FOXP1: variants seen among roughly 807,000 people sequenced by gnomAD.
The protein encoded by FOXP1 is forkhead box protein P1.
A neutral mutation model predicts 98.2 loss-of-function variants in FOXP1; 15 were observed. The ratio of observed to expected loss-of-function variants is 0.15; its 90% confidence interval spans 0.10 to 0.24. FOXP1 has a LOEUF of 0.24. Among genes scored for constraint, FOXP1 ranks in the 10% least tolerant of loss-of-function variants. FOXP1 has a pLI of 1.00. For synonymous variants in FOXP1, 371 were observed against 314.5 expected, an observed-to-expected ratio of 1.18 and a Z score of -1.90; for missense variants, 633 against 848.5, an observed-to-expected ratio of 0.75 and a Z score of 3.15.
Position 71,125,448 on chromosome 3 carries a change from T to C in FOXP1, c.181-12811A>G, listed in dbSNP as rs187056746. ...AAAAAATTAGACACGTATAGAAAAA[T>C]ATATTCGGTTAATCTAAACCACACA... On this transcript the variant is annotated intron_variant, in intron 6 of 20. Coordinates refer to ENST00000649528, the MANE Select transcript of FOXP1 (RefSeq NM_001349338.3). Among the ~76,000 whole-genome samples, 538 of 152,208 alleles carry C rather than the reference T, an allele frequency of 3.5e-3. 4 individuals carry two copies. The highest frequency in any genetic ancestry group is 0.012 in the African/African-American group (516 of 41,520).
At chr3:71,271,490 A>G (rs2070344921) in intron 5 of FOXP1, among the ~76,000 whole-genome samples, 1 of 152,236 alleles carries the variant, frequency 6.6e-6, no homozygotes, top group South Asian at 2.1e-4. Flanking sequence ...TTCAGGAAAA[A>G]AGCAATCTAA....
At chr3:71,437,648 C>G (rs1160209475) in intron 3 of FOXP1, among the ~76,000 whole-genome samples, 1 of 152,152 alleles carries the variant, frequency 6.6e-6, no homozygotes, top group Non-Finnish European at 1.5e-5. Context: ...AATGGCTCCA[C>G]CATCCTCTCT....
chr3:71,181,417 G>A (rs1253711564), intron 6 of FOXP1, among the ~76,000 whole-genome samples: 1 of 152,230 alleles, frequency 6.6e-6, no homozygotes, highest in Admixed American at 6.5e-5. Context: ...CTCTCAGGAA[G>A]TTATCTCTAT....
chr3:71,504,692 G>C (rs2041675249), intron 2 of FOXP1, among the ~76,000 whole-genome samples: 1 of 152,114 alleles, frequency 6.6e-6, no homozygotes, highest in Non-Finnish European at 1.5e-5. Flanking sequence ...AGGCGCCAAG[G>C]GAAGAGCTGA....
At chr3:71,420,809 C>T (rs1245164390) in intron 3 of FOXP1, among the ~76,000 whole-genome samples, 1 of 151,854 alleles carries the variant, frequency 6.6e-6, no homozygotes, top group Non-Finnish European at 1.5e-5. Flanking sequence ...TGGGCTCAAG[C>T]AATTCTCTCA....
chr3:71,242,274 A>G lies in FOXP1; in HGVS notation c.-11-43882T>C, dbSNP rs114953264. The stretch of plus-strand genomic sequence containing the variant: ...TGATTTTTTTCCTCATTCCAGCCCA[A>G]AGAGGGAAGAGTGACAGAAAACTTG... On this transcript the variant is annotated intron_variant, in intron 5 of 20. Coordinates refer to ENST00000649528, the MANE Select transcript of FOXP1 (RefSeq NM_001349338.3). 4.4e-3 allele frequency among the ~76,000 whole-genome samples: 676 copies of G among 152,274 alleles called. 5 individuals are homozygous for G. Among genetic ancestry groups the G allele is most frequent in the African/African-American group, 0.015 (631 of 41,546 alleles).
intron 13 of FOXP1, among the ~76,000 whole-genome samples, chr3:70,999,017 A>C (rs950415873): frequency 6.6e-6 from 1 of 152,226 alleles, no homozygotes; most frequent in African/African-American, 2.4e-5. Flanking sequence ...GTTATCATAT[A>C]AATAAATGCA....
intron 2 of FOXP1, among the ~76,000 whole-genome samples, chr3:71,520,320 CCATTTCTTAG>C: frequency 6.6e-6 from 1 of 152,152 alleles, no homozygotes; most frequent in East Asian, 1.9e-4. Flanking sequence ...AAACATATAT[CCATTTCTTAG>C]CATATGTGCA....
chr3:71,410,542 G>T lies in FOXP1; in HGVS notation c.-167-51298C>A, dbSNP rs187413595. ...CTATAAGCTGTGTCCTTATGATTAT[G>T]CAGTCAAAAAGGCATCCATGGGTTT... is the stretch of plus-strand genomic sequence containing the variant. On this transcript the variant is annotated intron_variant, in intron 3 of 20. Transcript: ENST00000649528. Among the ~76,000 whole-genome samples the T allele has an allele frequency of 3.9e-5, 6 of 152,264 alleles. No homozygotes were observed. The East Asian group carries it at 1.2e-3, about 29-fold the overall frequency.
intron 19 of FOXP1, chr3:70,966,482 C>T (rs1168885708): frequency 4.6e-6 from 1 of 217,250 alleles, no homozygotes; most frequent in Non-Finnish European, 9.5e-6. Context: ...ATCAGATTAT[C>T]CTGGCCGCAC....
rs1311207429 is a variant in FOXP1, at chr3:71,065,130, C to T, written c.283-11357G>A. ...TCCGCGCGGCAGGTGAAATCACGCT[C>T]GGGTGCCACCCTGCTTTTGTCTGGA... On this transcript the variant is annotated intron_variant, in intron 7 of 20. Transcript: ENST00000649528. 4.6e-5 allele frequency among the ~76,000 whole-genome samples: 7 copies of T among 151,034 alleles called. No homozygotes were observed. The East Asian group carries it at 7.9e-4, about 17-fold the overall frequency.
intron 5 of FOXP1, among the ~76,000 whole-genome samples, chr3:71,259,551 G>A (rs555625266): frequency 2.6e-5 from 4 of 152,232 alleles, no homozygotes; most frequent in African/African-American, 7.2e-5. Context: ...CCCTGTGTTG[G>A]AAGAAAACTA....
intron 2 of FOXP1, among the ~76,000 whole-genome samples, chr3:71,568,808 G>A (rs905926854): frequency 5.9e-5 from 9 of 152,062 alleles, no homozygotes; most frequent in Admixed American, 3.3e-4. Flanking sequence ...CACCACGCCC[G>A]GCTAATTTTT....
chr3:71,561,615 A>T (rs1239769083), intron 2 of FOXP1, among the ~76,000 whole-genome samples: 1 of 152,196 alleles, frequency 6.6e-6, no homozygotes, highest in Non-Finnish European at 1.5e-5. Flanking sequence ...GTCAGGATAG[A>T]ATGAATTACA....
intron 3 of FOXP1, among the ~76,000 whole-genome samples, chr3:71,382,867 TG>T: frequency 6.6e-6 from 1 of 152,342 alleles, no homozygotes; most frequent in Non-Finnish European, 1.5e-5. Flanking sequence ...AATCCTTGGA[TG>T]GCATCTTCTA....
chr3:71,370,927 A>C (rs774796188), intron 3 of FOXP1, among the ~76,000 whole-genome samples: 9 of 150,862 alleles, frequency 6.0e-5, no homozygotes, highest in Non-Finnish European at 1.0e-4. Context: ...TCAGCCTCTC[A>C]AGTAACTGGG....
At chr3:71,231,448 TAGG>T (rs1027172305) in intron 5 of FOXP1, among the ~76,000 whole-genome samples, 1 of 151,682 alleles carries the variant, frequency 6.6e-6, no homozygotes, top group African/African-American at 2.4e-5. Context: ...GAAAAAAAAA[TAGG>T]AGAGATTTTC....
At chr3:70,976,899 G>T in intron 17 of FOXP1, 42 bp downstream of exon 17, 1 of 1,390,590 alleles carries the variant, frequency 7.2e-7, no homozygotes, top group South Asian at 1.2e-5. Flanking sequence ...ACTGTTCTAT[G>T]AACGTCAAGA....
intron 2 of FOXP1, among the ~76,000 whole-genome samples, chr3:71,569,689 G>A (rs946066064): frequency 4.6e-5 from 7 of 151,910 alleles, no homozygotes; most frequent in African/African-American, 9.7e-5. Flanking sequence ...ATGTGCCAAC[G>A]TAGGTATCTA....
Sources: gnomAD v4.1 joint callset for allele counts (sites outside exome capture counted in the v4.1 genomes callset) on GRCh38, gnomAD v4.1.1 for gene constraint, MANE v1.5 for transcripts, NCBI Gene and HGNC (gene_info 2026-07-23, HGNC 2026-07-21) for gene names.